Variants in PRKG1 observed in about 807,000 individuals in gnomAD.
The protein encoded by PRKG1 is protein kinase cGMP-dependent 1, also known as cGMP-dependent protein kinase 1.
A neutral mutation model predicts 88.1 loss-of-function variants in PRKG1; 35 were observed. The ratio of observed to expected loss-of-function variants is 0.40; its 90% CI spans 0.30 to 0.53. The LOEUF is 0.53. Ranked by LOEUF, PRKG1 falls within the 20% of genes least tolerant of loss-of-function variation. The pLI, the probability that PRKG1 is intolerant of heterozygous loss-of-function variation, is 0.59. For missense variants in PRKG1, 540 were observed against 839.8 expected (o/e 0.64, Z 4.41); for synonymous variants, 303 against 292.5 (o/e 1.04, Z -0.37).
At chr10:52,126,245 G>A (rs1244169250) in intron 7 of PRKG1, among the ~76,000 whole-genome samples, 2 of 152,080 alleles carry the variant, frequency 1.3e-5, no homozygotes, top group Non-Finnish European at 2.9e-5. Flanking sequence ...CCACTAGACT[G>A]CAAGGTCAGG....
At chr10:51,413,082 A>G (rs556666987) in intron 2 of PRKG1, among the ~76,000 whole-genome samples, 2 of 152,358 alleles carry the variant, frequency 1.3e-5, no homozygotes, top group African/African-American at 4.8e-5. Flanking sequence ...CTAGACATTT[A>G]GCTGAATGGT....
intron 2 of PRKG1, among the ~76,000 whole-genome samples, chr10:51,288,113 AT>A (rs1024253555): frequency 1.4e-5 from 2 of 145,262 alleles, no homozygotes; most frequent in African/African-American, 5.3e-5. Flanking sequence ...TTTTCTTCCT[AT>A]TTTTTTATTT....
At chr10:52,247,655 A>G (rs550669791) in intron 9 of PRKG1, among the ~76,000 whole-genome samples, 84 of 152,282 alleles carry the variant, frequency 5.5e-4, no homozygotes, top group African/African-American at 2.0e-3. Context: ...CGAAAAATCT[A>G]AAACATCCAC....
chr10:52,264,561 C>G (rs1050050234), intron 10 of PRKG1, among the ~76,000 whole-genome samples: 1 of 151,974 alleles, frequency 6.6e-6, no homozygotes, highest in African/African-American at 2.4e-5. Flanking sequence ...ACTTTTTCTC[C>G]CAGGTTAAAG....
chr10:51,644,655 G>T lies in PRKG1; in HGVS notation c.593-159930G>T, dbSNP rs952824767. On this transcript the variant is annotated intron_variant, in intron 3 of 17. Coordinates refer to ENST00000373980, the MANE Select transcript of PRKG1 (RefSeq NM_006258.4). ...TTATCTTGTATATTTCATGACTCAG[G>T]CCTGAATCAGCTATTTCTTCAATGA... 3.0e-4 allele frequency among the ~76,000 whole-genome samples: 45 copies of T among 152,174 alleles called. 1 individual carries two copies. The highest frequency in any genetic ancestry group is 1.1e-3 in the African/African-American group (45 of 41,504).
intron 2 of PRKG1, among the ~76,000 whole-genome samples, chr10:51,155,516 A>G (rs1846184345): frequency 6.6e-6 from 1 of 152,036 alleles, no homozygotes; most frequent in Admixed American, 6.6e-5. Flanking sequence ...TAGTAGAGTC[A>G]GGGTTTATAC....
intron 2 of PRKG1, among the ~76,000 whole-genome samples, chr10:51,321,313 T>C (rs770132319): frequency 1.3e-5 from 2 of 152,112 alleles, no homozygotes; most frequent in Non-Finnish European, 2.9e-5. Context: ...TAGAGCAAGA[T>C]TAAATGAAAT....
chr10:52,023,444 C>A (rs1229809801), intron 5 of PRKG1, among the ~76,000 whole-genome samples: 2 of 152,166 alleles, frequency 1.3e-5, no homozygotes, highest in Admixed American at 6.5e-5. Context: ...AATGGGATTG[C>A]TGGGTCAAAT....
intron 4 of PRKG1, among the ~76,000 whole-genome samples, chr10:51,830,696 G>A (rs143678177): frequency 0.021 from 3,217 of 151,228 alleles, 97 homozygotes; most frequent in African/African-American, 0.073. Context: ...TGAGTAGCTG[G>A]GATTACAGGT....
chr10:51,987,781 T>C (rs1281656471), intron 5 of PRKG1, among the ~76,000 whole-genome samples: 1 of 152,102 alleles, frequency 6.6e-6, no homozygotes, highest in Non-Finnish European at 1.5e-5. Context: ...TTTATTTGTG[T>C]ACATTTATCT....
intron 3 of PRKG1, among the ~76,000 whole-genome samples, chr10:51,526,403 C>T (rs549964724): frequency 5.7e-4 from 87 of 152,182 alleles, no homozygotes; most frequent in African/African-American, 2.0e-3. Flanking sequence ...GCGCTAAAAC[C>T]TGCAGTTACT....
intron 2 of PRKG1, among the ~76,000 whole-genome samples, chr10:51,426,813 A>G (rs1022911320): frequency 6.6e-6 from 1 of 152,216 alleles, no homozygotes; most frequent in African/African-American, 2.4e-5. Context: ...GAGCACGTAT[A>G]AAAATACAGG....
At chr10:52,064,440 C>G (rs1169848754) in intron 7 of PRKG1, among the ~76,000 whole-genome samples, 1 of 152,198 alleles carries the variant, frequency 6.6e-6, no homozygotes, top group Non-Finnish European at 1.5e-5. Context: ...TTCCCAGACC[C>G]CTAAGAGTGC....
At chr10:51,203,530 A>T (rs543536779) in intron 2 of PRKG1, among the ~76,000 whole-genome samples, 1 of 152,182 alleles carries the variant, frequency 6.6e-6, no homozygotes, top group Non-Finnish European at 1.5e-5. Flanking sequence ...TTTCTAGGCA[A>T]TTGAGGGCAC....
At chr10:52,216,892 A>C (rs972854097) in intron 9 of PRKG1, among the ~76,000 whole-genome samples, 3 of 152,178 alleles carry the variant, frequency 2.0e-5, no homozygotes, top group African/African-American at 7.2e-5. Flanking sequence ...GCTTTCTTTT[A>C]CTAGGCAGAC....
chr10:51,515,761 C>T (rs1168013021), intron 3 of PRKG1, among the ~76,000 whole-genome samples: 1 of 152,102 alleles, frequency 6.6e-6, no homozygotes, highest in Non-Finnish European at 1.5e-5. Context: ...CAACAGGGGT[C>T]CCCTGTTTAT....
chr10:51,661,308 A>G (rs925590955), intron 3 of PRKG1, among the ~76,000 whole-genome samples: 3 of 152,134 alleles, frequency 2.0e-5, no homozygotes, highest in Non-Finnish European at 4.4e-5. Flanking sequence ...TTTTCATGAA[A>G]TTAACCAGTT....
At chr10:52,200,898 G>A (rs988611462) in intron 9 of PRKG1, among the ~76,000 whole-genome samples, 13 of 151,970 alleles carry the variant, frequency 8.6e-5, no homozygotes, top group African/African-American at 3.1e-4. Context: ...ACTGTTTAAT[G>A]AGGTTGTATT....
At chr10:51,423,484 T>C (rs1275742162) in intron 2 of PRKG1, among the ~76,000 whole-genome samples, 2 of 147,686 alleles carry the variant, frequency 1.4e-5, no homozygotes, top group African/African-American at 5.4e-5. Flanking sequence ...ATTCTGATGA[T>C]TTTTTTTCTC....
Sources: allele counts gnomAD v4.1 joint callset (sites outside exome capture counted in the v4.1 genomes callset), GRCh38; gene constraint gnomAD v4.1.1; transcripts MANE v1.5; gene names NCBI Gene and HGNC (gene_info 2026-07-23, HGNC 2026-07-21).